Variants in MYRIP observed in about 807,000 individuals in gnomAD.
MYRIP encodes the protein rab effector MyRIP.
Under a neutral mutation model 98.0 loss-of-function variants are expected in MYRIP, and 49 were observed. That is an observed-to-expected ratio of 0.50 (90% CI 0.40 to 0.63). The LOEUF is 0.63. MYRIP is among the 30% of genes least tolerant of loss of function. The pLI is 0.00. For missense variants in MYRIP, 1,004 were observed against 1,058.2 expected, an observed-to-expected ratio of 0.95 and a Z score of 0.71; for synonymous variants, 404 against 409.5, an observed-to-expected ratio of 0.99 and a Z score of 0.16.
At chr3:39,873,098 G>A (rs1394220319) in intron 1 of MYRIP, among the ~76,000 whole-genome samples, 1 of 152,202 alleles carries the variant, frequency 6.6e-6, no homozygotes, top group Non-Finnish European at 1.5e-5. Context: ...GTGATGGTGA[G>A]CATTTTTTCA....
Position 40,151,134 on chromosome 3 carries a change from A to C in MYRIP, c.419A>C (p.Asn140Thr). ...KRFGSAKVLK[N>T]LYRKHRLESG... ...TTTGGCAGTGCCAAGGTTCTGAAGA[A>C]CCTGTACAGGAAGCACCGGCTGGAG... The change falls in exon 4 of 17, where the codon AAC becomes ACC. Residue 140 changes from asparagine to threonine, a missense_variant. Physicochemically the swap from Asn to Thr is moderately conservative, Grantham distance 65. Coordinates refer to ENST00000302541, the MANE Select transcript of MYRIP (RefSeq NM_015460.4). 6.2e-7 allele frequency: 1 copy of C among 1,611,918 alleles called. No individual in the cohort carries two copies. The highest frequency in any genetic ancestry group is 8.5e-7 in the Non-Finnish European group (1 of 1,178,952).
chr3:40,041,615 G>A (rs1032570168), intron 2 of MYRIP, among the ~76,000 whole-genome samples: 5 of 151,674 alleles, frequency 3.3e-5, no homozygotes, highest in African/African-American at 9.7e-5. Context: ...AGAGACACAC[G>A]TTTACAAATG....
chr3:40,060,421 T>G (rs1263291830), intron 3 of MYRIP, among the ~76,000 whole-genome samples: 1 of 152,176 alleles, frequency 6.6e-6, no homozygotes, highest in African/African-American at 2.4e-5. Context: ...GATTTTTTTT[T>G]TCTTATTTCA....
intron 3 of MYRIP, among the ~76,000 whole-genome samples, chr3:40,091,188 G>T (rs914974067): frequency 2.6e-5 from 4 of 152,126 alleles, no homozygotes; most frequent in African/African-American, 9.7e-5. Context: ...ATCCCCAGCT[G>T]AGCCACTGAA....
In MYRIP at chr3:40,006,712, C is replaced by G. The variant is rs1404623791; in HGVS notation, c.111-37338C>G. Among the ~76,000 whole-genome samples the G allele has an allele frequency of 3.3e-5, 5 of 152,214 alleles. No homozygotes were observed. The East Asian group carries it at 9.6e-4, about 29-fold the overall frequency. On this transcript the variant is annotated intron_variant, in intron 2 of 16. Coordinates refer to ENST00000302541, the MANE Select transcript of MYRIP (RefSeq NM_015460.4). The stretch of plus-strand genomic sequence containing the variant: ...CTGTAATTATAAAGACTAATACTTA[C>G]TCCAGAAAATTCTGTATTTGCAGTA...
intron 1 of MYRIP, among the ~76,000 whole-genome samples, chr3:39,868,245 T>C (rs778281486): frequency 3.9e-5 from 6 of 152,152 alleles, no homozygotes; most frequent in Non-Finnish European, 8.8e-5. Flanking sequence ...AAATTTACAA[T>C]TGTGGTAGTT....
At chr3:39,949,081 T>C (rs1236241097) in intron 2 of MYRIP, among the ~76,000 whole-genome samples, 2 of 152,186 alleles carry the variant, frequency 1.3e-5, no homozygotes, top group Admixed American at 1.3e-4. Context: ...TGTCAAGTTC[T>C]GGAATACAAA....
chr3:39,892,331 G>T (rs891583642), intron 1 of MYRIP, among the ~76,000 whole-genome samples: 5 of 152,124 alleles, frequency 3.3e-5, no homozygotes, highest in African/African-American at 9.7e-5. Flanking sequence ...ATTGAAGGCT[G>T]ACTTCCTGTG....
intron 10 of MYRIP, among the ~76,000 whole-genome samples, chr3:40,205,101 C>T (rs1303333662): frequency 1.3e-5 from 2 of 152,128 alleles, no homozygotes; most frequent in Non-Finnish European, 2.9e-5. Context: ...TTCGGCCTCC[C>T]TTGGAAGCCT....
intron 1 of MYRIP, among the ~76,000 whole-genome samples, chr3:39,848,628 A>C (rs2125603121): frequency 6.6e-6 from 1 of 152,360 alleles, no homozygotes. Flanking sequence ...AGCTCTCATG[A>C]GCATGTACTT....
At chr3:40,119,168 A>G (rs1449790674) in intron 3 of MYRIP, among the ~76,000 whole-genome samples, 2 of 151,486 alleles carry the variant, frequency 1.3e-5, no homozygotes, top group Non-Finnish European at 2.9e-5. Flanking sequence ...GACTTCCACA[A>G]TGGTTGAACT....
chr3:40,253,433 A>G (rs1953455606), intron 16 of MYRIP, among the ~76,000 whole-genome samples: 1 of 152,242 alleles, frequency 6.6e-6, no homozygotes, highest in African/African-American at 2.4e-5. Flanking sequence ...AGAGGCGGAT[A>G]TAAACAAATA....
intron 2 of MYRIP, among the ~76,000 whole-genome samples, chr3:39,971,362 C>T (rs1945576807): frequency 1.3e-5 from 2 of 151,974 alleles, no homozygotes; most frequent in South Asian, 4.1e-4. Flanking sequence ...CTCAACAATG[C>T]TCCTGTCAAA....
At chr3:39,859,208 A>G (rs1942391473) in intron 1 of MYRIP, among the ~76,000 whole-genome samples, 1 of 152,096 alleles carries the variant, frequency 6.6e-6, no homozygotes, top group African/African-American at 2.4e-5. Context: ...TACAACTGAT[A>G]CAGTGGAATT....
intron 3 of MYRIP, among the ~76,000 whole-genome samples, chr3:40,084,774 A>ATG (rs68031450): frequency 0.076 from 5,233 of 68,940 alleles, 1,081 homozygotes; most frequent in Non-Finnish European, 0.086. Flanking sequence ...GATAGATAAT[A>ATG]TATATGTGTT....
chr3:40,004,246 C>A (rs1946585140), intron 2 of MYRIP, among the ~76,000 whole-genome samples: 1 of 152,106 alleles, frequency 6.6e-6, no homozygotes, highest in South Asian at 2.1e-4. Flanking sequence ...AAAGAGGGTG[C>A]ATTTGATAGA....
intron 3 of MYRIP, among the ~76,000 whole-genome samples, chr3:40,071,758 G>T (rs1483692957): frequency 6.6e-6 from 1 of 152,148 alleles, no homozygotes; most frequent in Admixed American, 6.5e-5. Context: ...TAGTTTGGAA[G>T]TTTGAGAAGA....
intron 11 of MYRIP, among the ~76,000 whole-genome samples, chr3:40,212,190 ATATACATATATATACGTG>A: frequency 1.7e-5 from 1 of 58,490 alleles, no homozygotes; most frequent in African/African-American, 4.5e-5. Flanking sequence ...GTGTATGTGT[ATATACATATATATACGTG>A]TGTGTATATA....
At chr3:40,171,549 A>G (rs114580954) in intron 8 of MYRIP, among the ~76,000 whole-genome samples, 1 of 152,212 alleles carries the variant, frequency 6.6e-6, no homozygotes, top group South Asian at 2.1e-4. Context: ...AAATTCCCAC[A>G]GCACCCCAGA....
Sources: allele counts gnomAD v4.1 joint callset (sites outside exome capture counted in the v4.1 genomes callset), GRCh38; gene constraint gnomAD v4.1.1; transcripts MANE v1.5; gene names NCBI Gene and HGNC (gene_info 2026-07-23, HGNC 2026-07-21).